NBEA: variants seen among roughly 807,000 people sequenced by gnomAD.
NBEA encodes neurobeachin.
A neutral mutation model predicts 343.4 loss-of-function variants in NBEA; 44 were observed. The observed-to-expected ratio is 0.13, with a 90% CI of 0.10 to 0.16. The LOEUF (loss-of-function observed/expected upper bound fraction) is 0.16, where lower values mean the gene tolerates loss of function less well. Among genes scored for constraint, NBEA ranks in the 10% least tolerant of loss-of-function variants. The pLI is 1.00. For synonymous variants in NBEA, 1,175 were observed against 1,238.7 expected (o/e 0.95, Z 1.08); for missense variants, 2,555 against 3,631.3 (o/e 0.70, Z 7.62).
intron 46 of NBEA, among the ~76,000 whole-genome samples, chr13:35,585,141 A>AAAAAAAAAAAAAAAAAC (rs1394670704): frequency 6.7e-6 from 1 of 149,984 alleles, no homozygotes; most frequent in African/African-American, 2.5e-5. Context: ...TAAAAAAAAA[A>AAAAAAAAAAAAAAAAAC]AGCCTCCTGC....
At chr13:35,616,674 G>C (rs2153057744) in intron 48 of NBEA, among the ~76,000 whole-genome samples, 1 of 152,286 alleles carries the variant, frequency 6.6e-6, no homozygotes, top group Middle Eastern at 3.4e-3. Flanking sequence ...CTTACTGTAA[G>C]AGAGAATAAA....
At chr13:35,490,556 A>G (rs889030969) in intron 41 of NBEA, among the ~76,000 whole-genome samples, 6 of 151,856 alleles carry the variant, frequency 4.0e-5, no homozygotes, top group Non-Finnish European at 8.8e-5. Context: ...CTCATATTTT[A>G]CCTTCTGCCT....
chr13:35,234,415 C>G (rs1429851322), intron 34 of NBEA, among the ~76,000 whole-genome samples: 1 of 152,106 alleles, frequency 6.6e-6, no homozygotes, highest in Non-Finnish European at 1.5e-5. Flanking sequence ...GTATGATTGA[C>G]TACACAAAAT....
At chr13:35,396,617 G>A (rs980042659) in intron 38 of NBEA, among the ~76,000 whole-genome samples, 1 of 152,090 alleles carries the variant, frequency 6.6e-6, no homozygotes, top group African/African-American at 2.4e-5. Flanking sequence ...AGGGACTGCA[G>A]TTGAACTCAA....
intron 31 of NBEA, 29 bp from the exon 32 acceptor site, chr13:35,208,671 G>A (rs2073563958): frequency 6.6e-7 from 1 of 1,520,620 alleles, no homozygotes. Context: ...CCTCATGTTT[G>A]TTATTTTCAA....
intron 38 of NBEA, among the ~76,000 whole-genome samples, chr13:35,430,098 A>G (rs2045002971): frequency 6.6e-6 from 1 of 152,010 alleles, no homozygotes; most frequent in African/African-American, 2.4e-5. Context: ...AAATGTTTAC[A>G]TTCTCACCAC....
intron 1 of NBEA, among the ~76,000 whole-genome samples, chr13:35,009,103 C>A (rs2061404850): frequency 6.6e-6 from 1 of 152,124 alleles, no homozygotes. Context: ...TTCTGATTCC[C>A]AGCTCATTGG....
intron 36 of NBEA, among the ~76,000 whole-genome samples, chr13:35,335,283 C>T (rs1282824350): frequency 6.6e-6 from 1 of 152,048 alleles, no homozygotes; most frequent in Non-Finnish European, 1.5e-5. Context: ...GAGATTTCCC[C>T]AGTTTTGTTA....
chr13:35,351,716 T>C lies in NBEA; in HGVS notation c.6013-441T>C, dbSNP rs2040211319. On this transcript the variant is annotated intron_variant, in intron 37 of 58. Transcript: ENST00000379939. ...TACTGAATTCCTAAATGACCACATT[T>C]TCTTCTGTATCACATTACCATTCAT... 3.3e-5 allele frequency among the ~76,000 whole-genome samples: 5 copies of C among 152,116 alleles called. No individual in the cohort carries two copies. In the South Asian group the frequency reaches 1.0e-3, roughly 32 times the overall value.
intron 17 of NBEA, among the ~76,000 whole-genome samples, chr13:35,124,513 C>T (rs2066977729): frequency 6.7e-6 from 1 of 149,770 alleles, no homozygotes. Context: ...CACACACACA[C>T]ACACACGGAT....
At chr13:35,276,120 T>A (rs2034567312) in intron 34 of NBEA, among the ~76,000 whole-genome samples, 2 of 152,212 alleles carry the variant, frequency 1.3e-5, no homozygotes, top group Admixed American at 6.6e-5. Flanking sequence ...TATCCCTTAC[T>A]ATGAAATCAA....
intron 35 of NBEA, among the ~76,000 whole-genome samples, chr13:35,308,438 CTATATATATATATATATATATA>C (rs5802761): frequency 4.7e-4 from 42 of 88,994 alleles, no homozygotes; most frequent in Non-Finnish European, 6.5e-4. Context: ...CTGCTATTTA[CTATATATATATATATATATATA>C]TATATATATA....
Position 35,141,624 on chromosome 13 carries a change from G to C in NBEA, c.2337-645G>C, listed in dbSNP as rs544213673. On this transcript the variant is annotated intron_variant, in intron 17 of 58. Transcript: ENST00000379939. ...GAGGCCTGTAGTAATTCTTGAGCTA[G>C]AGCTAAGAGTTCCAGGAGGCCTTTA... is the stretch of plus-strand genomic sequence containing the variant. Among the ~76,000 whole-genome samples the C allele has an allele frequency of 1.1e-3, 164 of 152,334 alleles. 1 individual carries two copies. Among genetic ancestry groups the C allele is most frequent in the Non-Finnish European group, 2.0e-3 (137 of 68,022 alleles).
chr13:35,144,819 A>G (rs951158492), intron 18 of NBEA, among the ~76,000 whole-genome samples: 3 of 152,186 alleles, frequency 2.0e-5, no homozygotes, highest in Non-Finnish European at 4.4e-5. Flanking sequence ...GAATCATTGC[A>G]TGACCATCAT....
intron 24 of NBEA, 40 bp from the exon 25 acceptor site, chr13:35,168,947 C>T: frequency 2.2e-6 from 3 of 1,338,042 alleles, no homozygotes; most frequent in Non-Finnish European, 2.9e-6. Context: ...TTTTCTTGTA[C>T]TTTTTGGTCT....
At chr13:35,034,517 C>G (rs534165093) in intron 1 of NBEA, among the ~76,000 whole-genome samples, 1 of 151,726 alleles carries the variant, frequency 6.6e-6, no homozygotes, top group African/African-American at 2.4e-5. Flanking sequence ...GTTTTGGTAT[C>G]CGGGTAATAC....
At chr13:35,300,279 G>A (rs188435658) in intron 35 of NBEA, among the ~76,000 whole-genome samples, 3 of 152,126 alleles carry the variant, frequency 2.0e-5, no homozygotes, top group Admixed American at 1.3e-4. Context: ...AGCCGAGATC[G>A]AGCCACTGCA....
At chr13:34,973,972 T>C (rs983530352) in intron 1 of NBEA, among the ~76,000 whole-genome samples, 1 of 152,136 alleles carries the variant, frequency 6.6e-6, no homozygotes, top group South Asian at 2.1e-4. Context: ...TCCACACAGC[T>C]CTTTGTGTCA....
chr13:35,630,383 A>T (rs1211452654), intron 49 of NBEA, among the ~76,000 whole-genome samples: 1 of 152,210 alleles, frequency 6.6e-6, no homozygotes, highest in Non-Finnish European at 1.5e-5. Context: ...TGTAAAATTT[A>T]AAATGTAAAA....
Sources: gnomAD v4.1 joint callset for allele counts (sites outside exome capture counted in the v4.1 genomes callset) on GRCh38, gnomAD v4.1.1 for gene constraint, MANE v1.5 for transcripts, NCBI Gene and HGNC (gene_info 2026-07-23, HGNC 2026-07-21) for gene names.